MDC1: variants seen among roughly 807,000 people sequenced by gnomAD.
The protein encoded by MDC1 is mediator of DNA damage checkpoint protein 1.
Under a neutral mutation model 142.5 loss-of-function variants are expected in MDC1, and 81 were observed. The ratio of observed to expected loss-of-function variants is 0.57; its 90% CI spans 0.47 to 0.68. The LOEUF is 0.68. MDC1 is among the 30% of genes least tolerant of loss of function. The pLI, the probability that MDC1 is intolerant of heterozygous loss-of-function variation, is 0.00. For synonymous variants in MDC1, 797 were observed against 968.4 expected, an observed-to-expected ratio of 0.82 and a Z score of 3.29; for missense variants, 2,119 against 2,547.9, an observed-to-expected ratio of 0.83 and a Z score of 3.62.
At chr6:30,701,091 G>GAA (rs572265551) in intron 14 of MDC1, among the ~76,000 whole-genome samples, 3 of 129,748 alleles carry the variant, frequency 2.3e-5, no homozygotes, top group African/African-American at 8.6e-5. Flanking sequence ...AAAAAAAAAA[G>GAA]AAAAAAAAAA....
chr6:30,706,126 G>A (rs761241267), intron 9 of MDC1, 28 bp from the exon 10 acceptor site: 1 of 1,504,450 alleles, frequency 6.6e-7, no homozygotes, highest in East Asian at 2.3e-5. Flanking sequence ...CAAGTGAGGG[G>A]GAGGAGGTGG....
In MDC1 at chr6:30,712,968, C is replaced by G; in HGVS notation, c.974G>C (p.Gly325Ala). The G allele has an allele frequency of 1.9e-6, 3 of 1,612,962 alleles. No homozygotes were observed. Among genetic ancestry groups the G allele is most frequent in the Non-Finnish European group, 2.5e-6 (3 of 1,179,952 alleles). The stretch of plus-strand genomic sequence containing the variant: ...CGCATCAGTGTCGCTGTCGATGAAG[C>G]CAAAAGGCTGAGCCCTTTCCAAATG... ...EVHLERAQPF[G>A]FIDSDTDAEE... Residue 325 changes from glycine to alanine, a missense_variant, in exon 5 of 15, where the codon GGC becomes GCC. Transcript: ENST00000376406. This position sits in a 1 kb window ranked among gnomAD's most constrained non-coding sequence, Gnocchi z 4.7.
chr6:30,702,485 T>C, intron 14 of MDC1, 68 bp downstream of exon 14: 1 of 1,272,290 alleles, frequency 7.9e-7, no homozygotes. Context: ...CCTCCAATCT[T>C]TGCCATTCCA....
At position 30,703,172 on chromosome 6, in the gene MDC1, G is replaced by A. The variant is rs1259392922; in HGVS notation, c.5797C>T (p.Arg1933Trp). Residue 1933 changes from arginine to tryptophan, a missense_variant, in exon 12 of 15, where the codon CGG (arginine) becomes TGG (tryptophan). Physicochemically the swap from Arg to Trp is moderately radical, Grantham distance 101. Transcript: ENST00000376406. The surrounding 1 kb of genome is among the most constrained non-coding windows in gnomAD (Gnocchi z 4.4). ...AGGGCACACAGGAACTTGACTGTCC[G>A]GCGGATGCGATCAGTGACCAGGTGG... ...ASHLVTDRIRRTVKFLCALGR... is the reference protein window; with the variant it reads ...ASHLVTDRIRWTVKFLCALGR... The A allele has an allele frequency of 9.3e-6, 15 of 1,612,956 alleles. No homozygotes were observed. The highest frequency in any genetic ancestry group is 1.3e-5 in the Non-Finnish European group (15 of 1,180,038).
rs2127667402 is a variant in MDC1, at chr6:30,704,141, C to T, written c.5042G>A (p.Ser1681Asn). Residue 1681 changes from serine to asparagine, a missense_variant, in exon 10 of 15, where the codon AGC becomes AAC. Coordinates refer to ENST00000376406, the MANE Select transcript of MDC1 (RefSeq NM_014641.3). ...TPEAIAQGGQ[S>N]KTLRSSTVRA... The stretch of plus-strand genomic sequence containing the variant: ...TACTGTGGAAGACCTCAGTGTTTTG[C>T]TCTGACCACCCTGAGCTATGGCCTC... 4 of 1,613,634 alleles carry T rather than the reference C, an allele frequency of 2.5e-6. No homozygotes were observed. The highest frequency in any genetic ancestry group is 3.4e-6 in the Non-Finnish European group (4 of 1,179,720).
Position 30,713,663 on chromosome 6 carries a change from A to ACCTTCCACCT in MDC1, c.571_572insAGGTGGAAGG (p.Val191GlufsTer10). 6.2e-7 allele frequency: 1 copy of ACCTTCCACCT among 1,614,152 alleles called. No homozygotes were observed. ...TGGCACTCACCTCTCTGGAACTATC[A>ACCTTCCACCT]CAGAGGAAGATGTGGTCCTTGATTT... is the stretch of plus-strand genomic sequence containing the variant. On this transcript the variant is annotated frameshift_variant, in exon 4 of 15. Coordinates refer to ENST00000376406, the MANE Select transcript of MDC1 (RefSeq NM_014641.3). LOFTEE classifies it high-confidence loss of function. This position sits in a 1 kb window ranked among gnomAD's most constrained non-coding sequence, Gnocchi z 4.9.
Position 30,711,710 on chromosome 6 carries a change from G to T in MDC1, c.2085C>A (p.Asp695Glu). 1.2e-6 allele frequency: 2 copies of T among 1,612,830 alleles called. No homozygotes were observed. Among genetic ancestry groups the T allele is most frequent in the Non-Finnish European group, 1.7e-6 (2 of 1,179,908 alleles). The change falls in exon 6 of 15, where the codon GAC becomes GAA. Residue 695 changes from aspartate to glutamate, a missense_variant. Physicochemically the swap from Asp to Glu is conservative, Grantham distance 45. Coordinates refer to ENST00000376406, the MANE Select transcript of MDC1 (RefSeq NM_014641.3). ...CCAGAAAGCACTGGGTAGCTTGTAGGTCCAGATCTTCAGAATCTGGTCGGG... is the reference window on the plus strand; with the variant it reads ...CCAGAAAGCACTGGGTAGCTTGTAGTTCCAGATCTTCAGAATCTGGTCGGG... The part of the protein sequence containing the change: ...EDNYGDSEDL[D>E]LQATQCFLEN...
At chr6:30,706,181 G>C (rs1185680299) in intron 9 of MDC1, 83 bp from the exon 10 acceptor site, 3 of 1,217,886 alleles carry the variant, frequency 2.5e-6, no homozygotes, top group South Asian at 1.5e-5. Flanking sequence ...ACTTGTTTAT[G>C]GTTAGATAGG....
Position 30,703,497 on chromosome 6 carries a change from T to G in MDC1, c.5603A>C (p.Gln1868Pro). Residue 1868 changes from glutamine (Q) to proline (P), a missense_variant, in exon 11 of 15, where the codon CAG (glutamine) becomes CCG (proline). Coordinates refer to ENST00000376406, the MANE Select transcript of MDC1 (RefSeq NM_014641.3). The surrounding 1 kb of genome is among the most constrained non-coding windows in gnomAD (Gnocchi z 4.4). Reference sequence around the variant, plus strand: ...TATTCTGTTGGGCTCCTCCTCTGCCTGGTCTCTCTTTCTCTTGCCTGGTTT... The same window carrying G: ...TATTCTGTTGGGCTCCTCCTCTGCCGGGTCTCTCTTTCTCTTGCCTGGTTT... ...TPKPGKRKRD[Q>P]AEEEPNRIPS... 1 of 1,613,828 alleles carries G rather than the reference T, an allele frequency of 6.2e-7. No individual in the cohort carries two copies.
chr6:30,705,248 C>T lies in MDC1; in HGVS notation c.3935G>A (p.Ser1312Asn), dbSNP rs1188324930. The change falls in exon 10 of 15, where the codon AGC becomes AAC. Residue 1312 changes from serine to asparagine, a missense_variant. Ser to Asn is a conservative substitution (Grantham distance 46, BLOSUM62 1). Transcript: ENST00000376406. ...CTTGACAGAGGACATATTTGTCCTGCTCCTAGTGGTCCGAGATGTGGGCTT... is the reference window on the plus strand; with the variant it reads ...CTTGACAGAGGACATATTTGTCCTGTTCCTAGTGGTCCGAGATGTGGGCTT... The part of the protein sequence containing the change: ...TPKPTSRTTR[S>N]RTNMSSVKTP... The T allele has an allele frequency of 6.9e-6, 11 of 1,600,420 alleles. No homozygotes were observed. The highest frequency in any genetic ancestry group is 8.5e-6 in the Non-Finnish European group (10 of 1,174,674).
At chr6:30,706,976 C>A (rs1403274124) in intron 9 of MDC1, among the ~76,000 whole-genome samples, 5 of 152,028 alleles carry the variant, frequency 3.3e-5, no homozygotes. Context: ...CAAAAAAGAA[C>A]AAAAACAAAA....
chr6:30,714,051 C>T lies in MDC1; in HGVS notation c.269G>A (p.Arg90Gln), dbSNP rs1234478293. The change falls in exon 3 of 15, where the codon CGA becomes CAA. Residue 90 changes from arginine (R) to glutamine (Q), a missense_variant. Arg to Gln is a conservative substitution (Grantham distance 43, BLOSUM62 1). Transcript: ENST00000376406. ...ILAWDKAPILRDCGSLNGTQI... is the reference protein window; with the variant it reads ...ILAWDKAPILQDCGSLNGTQI... ...AGTACCATTAAGGCTCCCACAGTCT[C>T]GGAGGATAGGTGCCTTGTCCCAGGC... is the stretch of plus-strand genomic sequence containing the variant. The T allele has an allele frequency of 5.6e-6, 9 of 1,612,828 alleles. No individual in the cohort carries two copies. The highest frequency in any genetic ancestry group is 2.7e-5 in the African/African-American group (2 of 74,894).
chr6:30,700,757 C>T (rs1772484739), intron 14 of MDC1, 125 bp from the exon 15 acceptor site: 4 of 929,154 alleles, frequency 4.3e-6, no homozygotes, highest in Non-Finnish European at 6.5e-6. Context: ...GTGAAGCACA[C>T]CGCATACTGT....
chr6:30,705,730 A>G lies in MDC1; in HGVS notation c.3453T>C (p.Asn1151=), dbSNP rs1204065299. ...GTTCAGGGGTCTTGACAGAGGACCT[A>G]TTTGTCCTGCTCCTAGTGGCCTGAG... is the stretch of plus-strand genomic sequence containing the variant. ...PTSQATRSRT[N]RSSVKTPEPV... The change falls in exon 10 of 15, where the codon AAT becomes AAC. Residue 1151 remains asparagine (N), a synonymous_variant. Transcript: ENST00000376406. 1 of 1,612,976 alleles carries G rather than the reference A, an allele frequency of 6.2e-7. No individual in the cohort carries two copies.
chr6:30,706,179 A>C, intron 9 of MDC1, 81 bp from the exon 10 acceptor site: 1 of 1,236,094 alleles, frequency 8.1e-7, no homozygotes, highest in Non-Finnish European at 1.1e-6. Context: ...ATACTTGTTT[A>C]TGGTTAGATA....
rs748704947 is a variant in MDC1 at position 30,707,791 on chromosome 6, G to A, written c.2788C>T (p.Pro930Ser). The change falls in exon 8 of 15, where the codon CCA (proline) becomes TCA (serine). Residue 930 changes from proline to serine, a missense_variant. Pro to Ser is a moderately conservative substitution (Grantham distance 74). Transcript: ENST00000376406. ...ERPVANRECD[P>S]AELEEKVPKV... ...GGCACCTTCTCTTCTAACTCGGCTG[G>A]ATCGCACTCTCTGTTTGCTACTGGT... 30 of 1,613,022 alleles carry A rather than the reference G, an allele frequency of 1.9e-5. No individual in the cohort carries two copies. The highest frequency in any genetic ancestry group is 2.4e-5 in the Non-Finnish European group (28 of 1,180,030).
Position 30,707,815 on chromosome 6 carries a change from G to A in MDC1, c.2764C>T (p.Pro922Ser). 2 of 1,613,078 alleles carry A rather than the reference G, an allele frequency of 1.2e-6. No homozygotes were observed. The highest frequency in any genetic ancestry group is 1.7e-6 in the Non-Finnish European group (2 of 1,180,040). ...SKAFEREVER[P>S]VANRECDPAE... ...GGATCGCACTCTCTGTTTGCTACTG[G>A]TCTCTCTACTTCTCTCTCAAATGCT... The change falls in exon 8 of 15, where the codon CCA (proline) becomes TCA (serine). Residue 922 changes from proline to serine, a missense_variant. By Grantham distance (74) the Pro-to-Ser change is moderately conservative. Coordinates refer to ENST00000376406, the MANE Select transcript of MDC1 (RefSeq NM_014641.3).
Position 30,703,630 on chromosome 6 carries a change from C to T in MDC1, c.5553G>A (p.Gly1851=), listed in dbSNP as rs780790133. 1 of 1,592,518 alleles carries T rather than the reference C, an allele frequency of 6.3e-7. No homozygotes were observed. Among genetic ancestry groups the T allele is most frequent in the Non-Finnish European group, 8.5e-7 (1 of 1,170,542 alleles). The part of the protein sequence containing the change: ...EEEEDTAEKP[G]KEEDVVTPKP... Reference sequence around the variant, plus strand: ...CCAACCCTCTCCTCACCTCTTCCTTCCCTGGCTTCTCTGCAGTATCTTCTT... The same window carrying T: ...CCAACCCTCTCCTCACCTCTTCCTTTCCTGGCTTCTCTGCAGTATCTTCTT... The change falls in exon 10 of 15, where the codon GGG becomes GGA. Residue 1851 remains glycine, a synonymous_variant. Transcript: ENST00000376406. The surrounding 1 kb of genome is among the most constrained non-coding windows in gnomAD (Gnocchi z 4.4).
chr6:30,704,808 T>C lies in MDC1; in HGVS notation c.4375A>G (p.Thr1459Ala), dbSNP rs764878361. Residue 1459 changes from threonine (T) to alanine (A), a missense_variant, in exon 10 of 15, where the codon ACC (threonine) becomes GCC (alanine). Physicochemically the swap from Thr to Ala is moderately conservative, Grantham distance 58 (BLOSUM62 0). Transcript: ENST00000376406. ...VPTAPELQPS[T>A]STDQPVTPEP... ...GGGGTAACAGGCTGGTCTGTGGAGGTGGAAGGCTGGAGCTCAGGGGCTGTG... is the reference window on the plus strand; with the variant it reads ...GGGGTAACAGGCTGGTCTGTGGAGGCGGAAGGCTGGAGCTCAGGGGCTGTG... The C allele has an allele frequency of 6.2e-7, 1 of 1,610,822 alleles. No individual in the cohort carries two copies. Among genetic ancestry groups the C allele is most frequent in the Middle Eastern group, 1.7e-4 (1 of 6,046 alleles).
Sources: gnomAD v4.1 joint callset for allele counts (sites outside exome capture counted in the v4.1 genomes callset) on GRCh38, gnomAD v4.1.1 for gene constraint, Gnocchi (gnomAD v3.1) non-coding constraint, MANE v1.5 for transcripts, NCBI Gene and HGNC (gene_info 2026-07-23, HGNC 2026-07-21) for gene names.